Variants in COL21A1 observed in about 807,000 individuals in gnomAD.
COL21A1 encodes collagen type XXI alpha 1 chain, also known as collagen alpha-1(XXI) chain.
COL21A1 carries 149 observed loss-of-function variants against 137.9 expected under a neutral mutation model. The ratio of observed to expected loss-of-function variants is 1.08; its 90% CI spans 0.95 to 1.24. The LOEUF (loss-of-function observed/expected upper bound fraction) is 1.24, where lower values mean the gene tolerates loss of function less well. COL21A1 is among the 50% of genes most tolerant of loss of function. The pLI, the probability that COL21A1 is intolerant of heterozygous loss-of-function variation, is 0.00. For missense variants in COL21A1, 1,167 were observed against 1,158.4 expected (o/e 1.01, Z -0.11); for synonymous variants, 456 against 391.5 (o/e 1.16, Z -1.95).
intron 1 of COL21A1, among the ~76,000 whole-genome samples, chr6:56,351,488 C>T (rs1276375483): frequency 2.6e-5 from 4 of 152,092 alleles, no homozygotes; most frequent in African/African-American, 9.7e-5. Context: ...AAATGGGGGA[C>T]CTGGGAGCTA....
intron 18 of COL21A1, 113 bp downstream of exon 18, chr6:56,077,416 A>C (rs1336673707): frequency 5.5e-6 from 4 of 722,262 alleles, no homozygotes; most frequent in Admixed American, 6.1e-5. Context: ...CTAAAATTAT[A>C]TAATATTTGA....
intron 1 of COL21A1, among the ~76,000 whole-genome samples, chr6:56,283,874 ACTCTCTCTCTCT>A (rs66937943): frequency 3.4e-5 from 5 of 146,188 alleles, no homozygotes; most frequent in Admixed American, 2.1e-4. Flanking sequence ...TCACACACAC[ACTCTCTCTCTCT>A]CTCTCTCTCT....
intron 23 of COL21A1, among the ~76,000 whole-genome samples, chr6:56,066,318 A>G (rs1322912059): frequency 2.0e-5 from 3 of 152,020 alleles, no homozygotes; most frequent in African/African-American, 4.8e-5. Flanking sequence ...AAGTTCATTA[A>G]TAGGAACTGT....
intron 10 of COL21A1, among the ~76,000 whole-genome samples, chr6:56,149,243 T>C (rs778919123): frequency 6.6e-6 from 1 of 152,028 alleles, no homozygotes; most frequent in South Asian, 2.1e-4. Context: ...AAGATCATAA[T>C]AAGATAAATT....
At chr6:56,089,443 C>T (rs989927315) in intron 17 of COL21A1, among the ~76,000 whole-genome samples, 2 of 152,042 alleles carry the variant, frequency 1.3e-5, no homozygotes, top group Admixed American at 6.5e-5. Flanking sequence ...CATGGCATAA[C>T]TTTTTATTTT....
At chr6:56,276,815 T>TG (rs1554174919) in intron 1 of COL21A1, 6 of 893,034 alleles carry the variant, frequency 6.7e-6, no homozygotes, top group East Asian at 2.7e-5. Context: ...TTGTTTTTTT[T>TG]GTTTTTTTTT....
chr6:56,293,336 T>C (rs939154680), intron 1 of COL21A1, among the ~76,000 whole-genome samples: 1 of 152,184 alleles, frequency 6.6e-6, no homozygotes, highest in Non-Finnish European at 1.5e-5. Flanking sequence ...ACATGTTTTA[T>C]GAGTCATGTA....
intron 10 of COL21A1, among the ~76,000 whole-genome samples, chr6:56,150,560 ACAC>A (rs769526539): frequency 6.8e-6 from 1 of 146,160 alleles, no homozygotes; most frequent in African/African-American, 2.7e-5. Context: ...ACACACACAC[ACAC>A]ACAAGAGTGG....
At chr6:56,259,406 C>A (rs1406653719) in intron 1 of COL21A1, among the ~76,000 whole-genome samples, 1 of 152,250 alleles carries the variant, frequency 6.6e-6, no homozygotes, top group Middle Eastern at 3.2e-3. Context: ...ACATTCCCAT[C>A]ATTGCTGAGC....
intron 1 of COL21A1, among the ~76,000 whole-genome samples, chr6:56,314,784 T>C (rs1351682337): frequency 6.6e-6 from 1 of 152,188 alleles, no homozygotes; most frequent in Non-Finnish European, 1.5e-5. Context: ...TGGTTCTTAG[T>C]GCATTCTCTA....
chr6:56,269,677 A>G (rs1763478770), intron 1 of COL21A1, among the ~76,000 whole-genome samples: 1 of 145,210 alleles, frequency 6.9e-6, no homozygotes, highest in Non-Finnish European at 1.5e-5. Context: ...AAAAAAAAAA[A>G]AAAGAAGTGA....
intron 1 of COL21A1, among the ~76,000 whole-genome samples, chr6:56,348,436 C>T (rs1562066932): frequency 6.6e-6 from 1 of 152,174 alleles, no homozygotes; most frequent in Non-Finnish European, 1.5e-5. Flanking sequence ...ACATAAGCTA[C>T]TGCACAGGAG....
chr6:56,073,133 G>C (rs754490151), intron 20 of COL21A1, among the ~76,000 whole-genome samples: 1 of 151,230 alleles, frequency 6.6e-6, no homozygotes, highest in Non-Finnish European at 1.5e-5. Context: ...TGAAATTTTA[G>C]GCTGCATTCT....
intron 1 of COL21A1, among the ~76,000 whole-genome samples, chr6:56,342,944 T>C (rs1391166457): frequency 6.6e-6 from 1 of 152,180 alleles, no homozygotes; most frequent in African/African-American, 2.4e-5. Flanking sequence ...TAAGAGACTC[T>C]CCTGTTACTT....
At chr6:56,367,865 C>T (rs1766136702) in intron 1 of COL21A1, among the ~76,000 whole-genome samples, 1 of 152,200 alleles carries the variant, frequency 6.6e-6, no homozygotes, top group Admixed American at 6.5e-5. Flanking sequence ...CAGGCATACG[C>T]CTCTGTGCCC....
intron 1 of COL21A1, among the ~76,000 whole-genome samples, chr6:56,347,515 T>C (rs527379185): frequency 1.3e-5 from 1 of 75,156 alleles, no homozygotes; most frequent in Admixed American, 1.7e-4. Context: ...CTAGGAAGCA[T>C]TTAAAAAAAA....
At chr6:56,207,772 A>G (rs1011978441) in intron 1 of COL21A1, among the ~76,000 whole-genome samples, 1 of 152,138 alleles carries the variant, frequency 6.6e-6, no homozygotes, top group Non-Finnish European at 1.5e-5. Context: ...GAACATTGAC[A>G]CAAAAATCCT....
chr6:56,278,527 A>G (rs1189224858), intron 1 of COL21A1, among the ~76,000 whole-genome samples: 2 of 152,232 alleles, frequency 1.3e-5, no homozygotes, highest in African/African-American at 4.8e-5. Context: ...CATATGGCCC[A>G]AGACACTTCT....
At chr6:56,096,293 G>A (rs928500011) in intron 17 of COL21A1, among the ~76,000 whole-genome samples, 1 of 152,016 alleles carries the variant, frequency 6.6e-6, no homozygotes, top group South Asian at 2.1e-4. Flanking sequence ...TGGCTCATTT[G>A]ACTCCTTGAT....
Sources: allele counts gnomAD v4.1 joint callset (sites outside exome capture counted in the v4.1 genomes callset), GRCh38; gene constraint gnomAD v4.1.1; transcripts MANE v1.5; gene names NCBI Gene and HGNC (gene_info 2026-07-23, HGNC 2026-07-21).